MCF2L2: variants seen among roughly 807,000 people sequenced by gnomAD.
MCF2L2 encodes the protein MCF.2 cell line derived transforming sequence-like 2, also known as probable guanine nucleotide exchange factor MCF2L2.
Under a neutral mutation model 150.2 loss-of-function variants are expected in MCF2L2, and 102 were observed. The observed-to-expected ratio is 0.68, with a 90% CI of 0.58 to 0.80. The LOEUF is 0.80. Ranked by LOEUF, MCF2L2 falls within the 30% of genes least tolerant of loss-of-function variation. The probability of loss-of-function intolerance (pLI) is 0.00; values close to 1 mark genes in which losing one functional copy is unlikely to be tolerated. For synonymous variants in MCF2L2, 465 were observed against 491.3 expected, an observed-to-expected ratio of 0.95 and a Z score of 0.71; for missense variants, 1,256 against 1,372.8, an observed-to-expected ratio of 0.91 and a Z score of 1.34.
At chr3:183,195,178 C>G (rs767992206) in intron 26 of MCF2L2, 44 bp downstream of exon 26, 1 of 1,489,738 alleles carries the variant, frequency 6.7e-7, no homozygotes, top group South Asian at 1.2e-5. Flanking sequence ...ATGAAACATC[C>G]AAAGCATTTG....
At chr3:183,376,592 T>C (rs754773506) in intron 3 of MCF2L2, 3 of 152,224 alleles carry the variant, frequency 2.0e-5, no homozygotes, top group Non-Finnish European at 4.4e-5. Flanking sequence ...CCCTTCTCAC[T>C]GTAGGAATGG....
chr3:183,234,147 G>A lies in MCF2L2; in HGVS notation c.1863-3130C>T, dbSNP rs368054166. Among the ~76,000 whole-genome samples, 76 of 152,268 alleles carry A rather than the reference G, an allele frequency of 5.0e-4. 1 individual carries two copies. The highest frequency in any genetic ancestry group is 4.2e-3 in the East Asian group (22 of 5,184). ...TACCAATATGTTTCTACGAGCCCTGGCATCAAGTGGGACCACAGCAACAGT... is the reference window on the plus strand; with the variant it reads ...TACCAATATGTTTCTACGAGCCCTGACATCAAGTGGGACCACAGCAACAGT... On this transcript the variant is annotated intron_variant, in intron 15 of 29. Transcript: ENST00000328913.
At chr3:183,325,684 A>C (rs191783700) in intron 5 of MCF2L2, among the ~76,000 whole-genome samples, 2 of 152,324 alleles carry the variant, frequency 1.3e-5, no homozygotes, top group Admixed American at 6.5e-5. Context: ...TGTATTAGGC[A>C]AAAGTAACCT....
intron 15 of MCF2L2, chr3:183,272,061 G>T: frequency 1.5e-6 from 1 of 669,590 alleles, no homozygotes; most frequent in Non-Finnish European, 1.9e-6. Context: ...ACTGTCAGAG[G>T]TGATCTTTAT....
chr3:183,425,174 G>C (rs577957251), intron 1 of MCF2L2, among the ~76,000 whole-genome samples: 4 of 150,708 alleles, frequency 2.7e-5, no homozygotes, highest in Non-Finnish European at 4.5e-5. Context: ...TGGACATGAG[G>C]AAAGAAAGCT....
chr3:183,404,756 G>C (rs1225629621), intron 1 of MCF2L2, among the ~76,000 whole-genome samples: 1 of 152,038 alleles, frequency 6.6e-6, no homozygotes, highest in Non-Finnish European at 1.5e-5. Flanking sequence ...CTAGCTACTC[G>C]GGAGGCTGAG....
chr3:183,349,299 TTTC>T (rs565082611), intron 3 of MCF2L2, among the ~76,000 whole-genome samples: 3 of 152,230 alleles, frequency 2.0e-5, no homozygotes, highest in African/African-American at 4.8e-5. Context: ...ACTTTAAGCC[TTTC>T]TTCTTCTCCA....
intron 8 of MCF2L2, 45 bp downstream of exon 8, chr3:183,311,603 T>A (rs753161789): frequency 2.9e-5 from 47 of 1,610,556 alleles, no homozygotes; most frequent in Admixed American, 6.7e-5. Flanking sequence ...CATCTAGGTC[T>A]ACATATTCTC....
chr3:183,281,012 C>T (rs544846558), intron 14 of MCF2L2, among the ~76,000 whole-genome samples: 2 of 152,138 alleles, frequency 1.3e-5, no homozygotes, highest in East Asian at 3.9e-4. Context: ...GGGCCCGTGC[C>T]ACCTTCTTTG....
chr3:183,300,575 A>G (rs1176897186), intron 10 of MCF2L2, among the ~76,000 whole-genome samples: 3 of 152,226 alleles, frequency 2.0e-5, no homozygotes, highest in Admixed American at 6.5e-5. Flanking sequence ...AGTGCACATA[A>G]TAAGAGATTT....
In MCF2L2 at chr3:183,267,452, G is replaced by A. The variant is rs1488825592; in HGVS notation, c.1862+9420C>T. Among the ~76,000 whole-genome samples the A allele has an allele frequency of 2.0e-5, 3 of 152,218 alleles. No homozygotes were observed. Among genetic ancestry groups the A allele is most frequent in the Non-Finnish European group, 4.4e-5 (3 of 68,044 alleles). On this transcript the variant is annotated intron_variant, in intron 15 of 29. Transcript: ENST00000328913. This position sits in a 1 kb window ranked among gnomAD's most constrained non-coding sequence, Gnocchi z 5.5. ...ATCCGAAAGCTCTGAAGTGGGGATGGAGGTGTCACAGCTGAGGCTAGGCCC... is the reference window on the plus strand; with the variant it reads ...ATCCGAAAGCTCTGAAGTGGGGATGAAGGTGTCACAGCTGAGGCTAGGCCC...
At chr3:183,226,557 G>A (rs527474137) in intron 18 of MCF2L2, 6 of 152,292 alleles carry the variant, frequency 3.9e-5, no homozygotes, top group South Asian at 2.1e-4. Flanking sequence ...CCAACATGGC[G>A]GGGCGCTATC....
At chr3:183,312,719 C>G (rs1020538851) in intron 7 of MCF2L2, among the ~76,000 whole-genome samples, 1 of 152,176 alleles carries the variant, frequency 6.6e-6, no homozygotes, top group African/African-American at 2.4e-5. Flanking sequence ...AGTTTTAGAC[C>G]TCCCCACTCT....
intron 1 of MCF2L2, among the ~76,000 whole-genome samples, chr3:183,414,394 C>A (rs1238709637): frequency 6.6e-6 from 1 of 152,110 alleles, no homozygotes; most frequent in Admixed American, 6.5e-5. Context: ...CCTTTACAGG[C>A]CTTTTTGCTT....
chr3:183,270,161 G>A lies in MCF2L2; in HGVS notation c.1862+6711C>T. 3 of 1,614,136 alleles carry A rather than the reference G, an allele frequency of 1.9e-6. No individual in the cohort carries two copies. The highest frequency in any genetic ancestry group is 2.5e-6 in the Non-Finnish European group (3 of 1,180,028). ...ATGAAAATTATGTTCGGTCTCAGCT[G>A]AATGCCAACATCAAAACTCTGTTTG... On this transcript the variant is annotated intron_variant, in intron 15 of 29. Coordinates refer to ENST00000328913, the MANE Select transcript of MCF2L2 (RefSeq NM_015078.4). This position sits in a 1 kb window ranked among gnomAD's most constrained non-coding sequence, Gnocchi z 4.5.
chr3:183,223,988 A>C, intron 19 of MCF2L2, 110 bp downstream of exon 19: 1 of 810,954 alleles, frequency 1.2e-6, no homozygotes, highest in South Asian at 1.5e-5. Context: ...CACTTTAAAT[A>C]AACATAAATC....
chr3:183,337,551 T>TGAA (rs1730532962), intron 5 of MCF2L2, among the ~76,000 whole-genome samples: 1 of 66,670 alleles, frequency 1.5e-5, no homozygotes, highest in Non-Finnish European at 2.5e-5. Context: ...AGACTCCATC[T>TGAA]CAAAAAAAAA....
rs1316976810 is a variant in MCF2L2, at chr3:183,179,322, G to T, written c.*58C>A. The T allele has an allele frequency of 2.2e-6, 3 of 1,382,240 alleles. No individual in the cohort carries two copies. The highest frequency in any genetic ancestry group is 1.9e-6 in the Non-Finnish European group (2 of 1,072,116). 85.6% of individuals were successfully genotyped at this position (1,382,240 alleles called of 1,614,324 possible). ...TGGGCAGGGCCCGGGCCCCCACACCGCCTCTCCCGGGAATGCGGGCGCTCT... is the reference window on the plus strand; with the variant it reads ...TGGGCAGGGCCCGGGCCCCCACACCTCCTCTCCCGGGAATGCGGGCGCTCT... On this transcript the variant is annotated 3_prime_UTR_variant, in exon 30 of 30. Coordinates refer to ENST00000328913, the MANE Select transcript of MCF2L2 (RefSeq NM_015078.4). The surrounding 1 kb of genome is among the most constrained non-coding windows in gnomAD (Gnocchi z 4.2).
chr3:183,315,745 C>A (rs1729577577), intron 7 of MCF2L2, among the ~76,000 whole-genome samples: 1 of 152,116 alleles, frequency 6.6e-6, no homozygotes, highest in South Asian at 2.1e-4. Flanking sequence ...TGTAGAGAAA[C>A]TATAGAACAC....
Sources: allele counts gnomAD v4.1 joint callset (sites outside exome capture counted in the v4.1 genomes callset), GRCh38; gene constraint gnomAD v4.1.1; non-coding constraint Gnocchi (gnomAD v3.1); transcripts MANE v1.5; gene names NCBI Gene and HGNC (gene_info 2026-07-23, HGNC 2026-07-21).